Variants in BCAS3 observed in about 807,000 individuals in gnomAD.
The protein encoded by BCAS3 is BCAS3 microtubule associated cell migration factor.
BCAS3 carries 53 observed loss-of-function variants against 116.1 expected under a neutral mutation model. The observed-to-expected ratio is 0.46, with a 90% CI of 0.37 to 0.57. The LOEUF is 0.57. BCAS3 is among the 20% of genes least tolerant of loss of function. BCAS3 has a pLI of 0.00. For synonymous variants in BCAS3, 391 were observed against 408.2 expected (o/e 0.96, Z 0.51); for missense variants, 917 against 1,165.4 (o/e 0.79, Z 3.10).
intron 11 of BCAS3, among the ~76,000 whole-genome samples, chr17:60,903,449 TA>T (rs1221033516): frequency 6.6e-6 from 1 of 152,240 alleles, no homozygotes; most frequent in East Asian, 1.9e-4. Flanking sequence ...AAAAGGGAAT[TA>T]ACCATTAGGT....
intron 7 of BCAS3, among the ~76,000 whole-genome samples, chr17:60,849,985 TG>T (rs1278715616): frequency 6.6e-6 from 1 of 152,186 alleles, no homozygotes; most frequent in Admixed American, 6.5e-5. Context: ...CTTGAACTTC[TG>T]GGCTCAAGCA....
At chr17:60,771,412 G>C (rs1331853320) in intron 6 of BCAS3, among the ~76,000 whole-genome samples, 1 of 150,692 alleles carries the variant, frequency 6.6e-6, no homozygotes, top group African/African-American at 2.5e-5. Context: ...TCAGGATAAA[G>C]TATGTTGCAA....
At chr17:61,000,879 A>G (rs1004860926) in intron 15 of BCAS3, among the ~76,000 whole-genome samples, 1 of 152,158 alleles carries the variant, frequency 6.6e-6, no homozygotes, top group Non-Finnish European at 1.5e-5. Flanking sequence ...ATCAGGAAAT[A>G]TGGTTTTATA....
rs1179328793 is a variant in BCAS3, at chr17:60,967,157, G to A, written c.1221+19805G>A. Among the ~76,000 whole-genome samples, 1 of 152,110 alleles carries A rather than the reference G, an allele frequency of 6.6e-6. No homozygotes were observed. Among genetic ancestry groups the A allele is most frequent in the Non-Finnish European group, 1.5e-5 (1 of 68,012 alleles). On this transcript the variant is annotated intron_variant, in intron 14 of 23. Coordinates refer to ENST00000407086, the MANE Select transcript of BCAS3 (RefSeq NM_017679.5). The surrounding 1 kb of genome is among the most constrained non-coding windows in gnomAD (Gnocchi z 4.7). ...ACCAGTGGGTTTTATACCTTGAAAA[G>A]CTTTCTTTTAGCACATCAGAGTTTT...
intron 22 of BCAS3, among the ~76,000 whole-genome samples, chr17:61,291,361 T>A (rs2052394716): frequency 6.6e-6 from 1 of 152,168 alleles, no homozygotes; most frequent in Non-Finnish European, 1.5e-5. Flanking sequence ...CTATACTTGA[T>A]GTGGGGAGAG....
At position 61,070,366 on chromosome 17, in the gene BCAS3, A is replaced by AATATATATATATATAT. The variant is rs55736464; in HGVS notation, c.2030-4535_2030-4520dup. On this transcript the variant is annotated intron_variant, in intron 19 of 23. Coordinates refer to ENST00000407086, the MANE Select transcript of BCAS3 (RefSeq NM_017679.5). ...AACTGAGTCCAGCTGCCTAATTCTG[A>AATATATATATATATAT]ATATATATATATATATATATATATA... 2.0e-3 allele frequency: 632 copies of AATATATATATATATAT among 313,910 alleles called. 56 individuals carry two copies. Among genetic ancestry groups the AATATATATATATATAT allele is most frequent in the African/African-American group, 4.5e-3 (157 of 35,142 alleles). The allele number at this position is 313,910 out of a possible 1,614,324, so 19.4% of individuals were successfully genotyped here.
chr17:61,046,096 A>AATATATATATATTTATATATATATAAT (rs2068312648), intron 19 of BCAS3, among the ~76,000 whole-genome samples: 2 of 49,372 alleles, frequency 4.1e-5, no homozygotes, highest in Non-Finnish European at 6.6e-5. Flanking sequence ...ATATATATAT[A>AATATATATATATTTATATATATATAAT]ATATATATAT....
chr17:61,045,832 T>G (rs1454339091), intron 19 of BCAS3, among the ~76,000 whole-genome samples: 3 of 6,338 alleles, frequency 4.7e-4, no homozygotes, highest in Non-Finnish European at 8.1e-4. Flanking sequence ...TTTCTCTCTC[T>G]CTCTCTCTCT....
At chr17:61,113,993 G>T (rs1226637386) in intron 22 of BCAS3, among the ~76,000 whole-genome samples, 1 of 150,168 alleles carries the variant, frequency 6.7e-6, no homozygotes, top group Non-Finnish European at 1.5e-5. Context: ...AAAACCACAT[G>T]ATTATCTCAA....
chr17:61,349,032 G>A lies in BCAS3; in HGVS notation c.2426-19295G>A, dbSNP rs1423019750. Among the ~76,000 whole-genome samples the A allele has an allele frequency of 2.6e-5, 4 of 151,782 alleles. No homozygotes were observed. Among genetic ancestry groups the A allele is most frequent in the East Asian group, 2.0e-4 (1 of 5,124 alleles). On this transcript the variant is annotated intron_variant, in intron 22 of 23. Transcript: ENST00000407086. This position sits in a 1 kb window ranked among gnomAD's most constrained non-coding sequence, Gnocchi z 4.7. The stretch of plus-strand genomic sequence containing the variant: ...CTCCCAAAGTGCTGGGATTACAGGC[G>A]TGAGCCACCGTGCCCGGCCCTCTTG...
At chr17:60,965,863 C>T (rs1174474277) in intron 14 of BCAS3, among the ~76,000 whole-genome samples, 1 of 152,148 alleles carries the variant, frequency 6.6e-6, no homozygotes, top group Non-Finnish European at 1.5e-5. Context: ...CTTGTTGGAT[C>T]TGGTGTGTAG....
At chr17:60,694,373 C>T (rs894614652) in intron 4 of BCAS3, among the ~76,000 whole-genome samples, 4 of 151,724 alleles carry the variant, frequency 2.6e-5, no homozygotes, top group Non-Finnish European at 5.9e-5. Flanking sequence ...TGGTGGCATG[C>T]GCCTGTAGTC....
intron 18 of BCAS3, among the ~76,000 whole-genome samples, chr17:61,039,996 C>T (rs1022073929): frequency 2.0e-5 from 3 of 152,054 alleles, no homozygotes; most frequent in Non-Finnish European, 4.4e-5. Flanking sequence ...GAGTCCATCT[C>T]AAACGTGCAT....
intron 23 of BCAS3, among the ~76,000 whole-genome samples, chr17:61,372,711 G>A (rs1200143301): frequency 6.6e-6 from 1 of 152,152 alleles, no homozygotes; most frequent in Non-Finnish European, 1.5e-5. Flanking sequence ...CGAGGCTTCT[G>A]TGCATACTTT....
intron 22 of BCAS3, among the ~76,000 whole-genome samples, chr17:61,185,693 C>CA (rs2079728384): frequency 6.6e-6 from 1 of 152,172 alleles, no homozygotes; most frequent in Non-Finnish European, 1.5e-5. Flanking sequence ...CTGTTATCCT[C>CA]TCTCTGAGTG....
chr17:61,236,511 G>A (rs1416729691), intron 22 of BCAS3, among the ~76,000 whole-genome samples: 6 of 151,988 alleles, frequency 3.9e-5, no homozygotes, highest in Non-Finnish European at 5.9e-5. Flanking sequence ...TAGTAGAGAC[G>A]GGGTTTCACT....
intron 22 of BCAS3, among the ~76,000 whole-genome samples, chr17:61,157,161 A>G (rs1251614638): frequency 2.0e-5 from 3 of 152,214 alleles, no homozygotes; most frequent in Non-Finnish European, 4.4e-5. Flanking sequence ...ATTGATTTGG[A>G]TATCAAAAGA....
intron 7 of BCAS3, among the ~76,000 whole-genome samples, chr17:60,822,458 A>G (rs2050046559): frequency 6.6e-6 from 1 of 152,190 alleles, no homozygotes; most frequent in Non-Finnish European, 1.5e-5. Flanking sequence ...TGCAATTGCT[A>G]CAGACTTACC....
rs923344842 is a variant in BCAS3 at position 61,017,465 on chromosome 17, C to G, written c.1637+1564C>G. On this transcript the variant is annotated intron_variant, in intron 16 of 23. Transcript: ENST00000407086. This position sits in a 1 kb window ranked among gnomAD's most constrained non-coding sequence, Gnocchi z 4.7. ...AGTGAAACCATCCTCAAAATTGTTT[C>G]TCTGTAATTTAATTTTATATTCAGA... 6.6e-6 allele frequency among the ~76,000 whole-genome samples: 1 copy of G among 152,090 alleles called. No individual in the cohort carries two copies. The highest frequency in any genetic ancestry group is 1.5e-5 in the Non-Finnish European group (1 of 68,004).
Sources: gnomAD v4.1 joint callset for allele counts (sites outside exome capture counted in the v4.1 genomes callset) on GRCh38, gnomAD v4.1.1 for gene constraint, Gnocchi (gnomAD v3.1) non-coding constraint, MANE v1.5 for transcripts, NCBI Gene and HGNC (gene_info 2026-07-23, HGNC 2026-07-21) for gene names.